Variants in NCOA3 observed in about 807,000 individuals in gnomAD.
NCOA3 encodes CBP-interacting protein.
A neutral mutation model predicts 158.8 loss-of-function variants in NCOA3; 51 were observed. The observed-to-expected ratio is 0.32, with a 90% CI of 0.26 to 0.41. The LOEUF is 0.41. Among genes scored for constraint, NCOA3 ranks in the 10% least tolerant of loss-of-function variants. The probability of loss-of-function intolerance (pLI) is 1.00; values close to 1 mark genes in which losing one functional copy is unlikely to be tolerated. For missense variants in NCOA3, 1,510 were observed against 1,746.6 expected, an observed-to-expected ratio of 0.86 and a Z score of 2.41; for synonymous variants, 537 against 592.4, an observed-to-expected ratio of 0.91 and a Z score of 1.36.
intron 8 of NCOA3, chr20:47,631,490 C>G (rs534037996): frequency 6.6e-6 from 1 of 152,176 alleles, no homozygotes; most frequent in East Asian, 1.9e-4. Context: ...TAAGGACCAT[C>G]TATTGTCATG....
intron 1 of NCOA3, among the ~76,000 whole-genome samples, chr20:47,547,443 C>T (rs938863887): frequency 2.6e-5 from 4 of 151,472 alleles, no homozygotes; most frequent in South Asian, 2.1e-4. Flanking sequence ...GACGGAGTCT[C>T]GCTCTGCCAC....
In NCOA3 at chr20:47,627,754, G is replaced by A. The variant is rs1355555345; in HGVS notation, c.721+5G>A. 2 of 1,612,590 alleles carry A rather than the reference G, an allele frequency of 1.2e-6. No homozygotes were observed. The highest frequency in any genetic ancestry group is 1.7e-5 in the Admixed American group (1 of 59,740). On this transcript the variant is annotated splice_donor_5th_base_variant and intron_variant, in intron 7 of 22. Coordinates refer to ENST00000371998, the MANE Select transcript of NCOA3 (RefSeq NM_181659.3). Reference sequence around the variant, plus strand: ...CTATGATGGAGGAAGGGGAAGGTAAGAGCTATTATATGTTTGTGATGTTCA... The same window carrying A: ...CTATGATGGAGGAAGGGGAAGGTAAAAGCTATTATATGTTTGTGATGTTCA...
rs1406587366 is a variant in NCOA3 at position 47,639,205 on chromosome 20, A to G, written c.2707+3A>G. ...GGAAAATTATGGCTCAAGTATGGGT[A>G]CGTTATTTCTAATTAGTATGTATGA... On this transcript the variant is annotated splice_donor_region_variant and intron_variant, in intron 14 of 22. Transcript: ENST00000371998. 8 of 1,604,642 alleles carry G rather than the reference A, an allele frequency of 5.0e-6. No individual in the cohort carries two copies. The highest frequency in any genetic ancestry group is 1.3e-5 in the African/African-American group (1 of 74,634).
At chr20:47,605,376 T>C (rs996817586) in intron 2 of NCOA3, among the ~76,000 whole-genome samples, 5 of 152,150 alleles carry the variant, frequency 3.3e-5, no homozygotes, top group Non-Finnish European at 7.4e-5. Context: ...ATGTTGGTGA[T>C]ATGCATTACT....
intron 1 of NCOA3, among the ~76,000 whole-genome samples, chr20:47,504,617 A>C (rs2083996810): frequency 6.6e-6 from 1 of 151,738 alleles, no homozygotes; most frequent in Non-Finnish European, 1.5e-5. Flanking sequence ...AGCCTGGCAA[A>C]GATGGTGAAA....
intron 1 of NCOA3, among the ~76,000 whole-genome samples, chr20:47,534,836 G>A (rs1025360679): frequency 6.6e-6 from 1 of 152,086 alleles, no homozygotes; most frequent in Admixed American, 6.6e-5. Flanking sequence ...GATCGGTTGA[G>A]CCTGGGAAAT....
At chr20:47,648,682 C>T (rs2086730763) in intron 18 of NCOA3, among the ~76,000 whole-genome samples, 1 of 152,070 alleles carries the variant, frequency 6.6e-6, no homozygotes, top group South Asian at 2.1e-4. Flanking sequence ...CCAGACTGAT[C>T]TCAGACTCTT....
chr20:47,590,733 G>A (rs891301869), intron 2 of NCOA3, among the ~76,000 whole-genome samples: 3 of 152,046 alleles, frequency 2.0e-5, no homozygotes, highest in Admixed American at 6.6e-5. Context: ...ATCGCTTGAC[G>A]CTGGGAGGCT....
chr20:47,526,005 G>A (rs918461119), intron 1 of NCOA3, among the ~76,000 whole-genome samples: 2 of 151,350 alleles, frequency 1.3e-5, no homozygotes, highest in African/African-American at 4.8e-5. Context: ...CTTCCCAGAC[G>A]GGGTGGCTGC....
At chr20:47,652,636 C>T (rs1253156952) in intron 21 of NCOA3, 56 bp downstream of exon 21, 1 of 1,517,034 alleles carries the variant, frequency 6.6e-7, no homozygotes, top group Non-Finnish European at 9.0e-7. Flanking sequence ...AGTCCAAGAA[C>T]TTAATGTATT....
intron 16 of NCOA3, 127 bp downstream of exon 16, chr20:47,640,178 TG>T: frequency 7.8e-7 from 1 of 1,280,650 alleles, no homozygotes. Flanking sequence ...GGTTGCCAGC[TG>T]GGCATTTCTC....
In NCOA3 at chr20:47,589,881, G is replaced by C. The variant is rs972807748; in HGVS notation, c.-20+6620G>C. The stretch of plus-strand genomic sequence containing the variant: ...AGCTAGTCCCTGTAAACCAAGAACA[G>C]GTACCAGGCCCATAAACATTGACTT... On this transcript the variant is annotated intron_variant, in intron 2 of 22. Coordinates refer to ENST00000371998, the MANE Select transcript of NCOA3 (RefSeq NM_181659.3). Among the ~76,000 whole-genome samples the C allele has an allele frequency of 8.1e-5, 12 of 147,512 alleles. No homozygotes were observed. The East Asian group carries it at 2.1e-3, about 26-fold the overall frequency.
Position 47,525,585 on chromosome 20 carries a change from T to C in NCOA3, c.-99+23566T>C, listed in dbSNP as rs868744112. Among the ~76,000 whole-genome samples the C allele has an allele frequency of 5.1e-3, 309 of 60,036 alleles. 7 individuals are homozygous for C. The highest frequency in any genetic ancestry group is 7.9e-3 in the South Asian group (14 of 1,782). The allele number at this position is 60,036 out of a possible 152,430, so 39.4% of individuals were successfully genotyped here. On this transcript the variant is annotated intron_variant, in intron 1 of 22. Transcript: ENST00000371998. ...GGGCTGACCCCCCCCACCTCCCTCC[T>C]GGACGGGGCGGCTGGCCGGGCGGGG...
At chr20:47,653,184 A>G (rs867387552) in intron 22 of NCOA3, 112 bp downstream of exon 22, 1 of 1,331,786 alleles carries the variant, frequency 7.5e-7, no homozygotes. Context: ...TGAATGTATA[A>G]CTTAAAATAT....
At chr20:47,637,093 A>C (rs1288393237) in intron 12 of NCOA3, among the ~76,000 whole-genome samples, 1 of 152,188 alleles carries the variant, frequency 6.6e-6, no homozygotes, top group Non-Finnish European at 1.5e-5. Context: ...CATAATTTTT[A>C]TTTTAAGGTA....
intron 1 of NCOA3, among the ~76,000 whole-genome samples, chr20:47,536,583 T>C (rs2084637400): frequency 6.6e-6 from 1 of 152,240 alleles, no homozygotes; most frequent in African/African-American, 2.4e-5. Context: ...GTCATGCCTT[T>C]GTCATTCTAA....
Position 47,636,077 on chromosome 20 carries a change from A to G in NCOA3, c.1691A>G (p.Asn564Ser), listed in dbSNP as rs764548730. 9.9e-6 allele frequency: 16 copies of G among 1,614,048 alleles called. No homozygotes were observed. The highest frequency in any genetic ancestry group is 1.3e-5 in the African/African-American group (1 of 74,922). Residue 564 changes from asparagine (N) to serine (S), a missense_variant, in exon 12 of 23, where the codon AAT becomes AGT. This residue lies in a region of NCOA3 where 1,017 missense variants were observed against 1,098.3 expected (regional missense o/e 0.93). Transcript: ENST00000371998. ...ATTACCCAACCAAGTAAAGTAAGCAATCAGGATTCCAAGAGTCCTCTGGGC... is the reference window on the plus strand; with the variant it reads ...ATTACCCAACCAAGTAAAGTAAGCAGTCAGGATTCCAAGAGTCCTCTGGGC... The part of the protein sequence containing the change: ...MNITQPSKVS[N>S]QDSKSPLGFY...
At chr20:47,544,050 C>T (rs544369528) in intron 1 of NCOA3, among the ~76,000 whole-genome samples, 11 of 152,204 alleles carry the variant, frequency 7.2e-5, no homozygotes, top group African/African-American at 1.9e-4. Flanking sequence ...TACTCCACCC[C>T]GATTCCCCCA....
At position 47,635,553 on chromosome 20, in the gene NCOA3, G is replaced by A. The variant is rs777015406; in HGVS notation, c.1344G>A (p.Met448Ile). 9 of 1,613,998 alleles carry A rather than the reference G, an allele frequency of 5.6e-6. No homozygotes were observed. Among genetic ancestry groups the A allele is most frequent in the African/African-American group, 5.3e-5 (4 of 74,890 alleles). ...NIASLTPGPG[M>I]QSPSSYQNNN... ...CTTCATTGACCCCTGGGCCAGGCATGCAATCACCATCTTCCTACCAGAACA... is the reference window on the plus strand; with the variant it reads ...CTTCATTGACCCCTGGGCCAGGCATACAATCACCATCTTCCTACCAGAACA... The change falls in exon 11 of 23, where the codon ATG (methionine) becomes ATA (isoleucine). Residue 448 changes from methionine to isoleucine, a missense_variant. Physicochemically the swap from Met to Ile is conservative, Grantham distance 10. Transcript: ENST00000371998.
Sources: allele counts gnomAD v4.1 joint callset (sites outside exome capture counted in the v4.1 genomes callset), GRCh38; gene constraint gnomAD v4.1.1; regional missense constraint gnomAD v4.1.1; transcripts MANE v1.5; gene names NCBI Gene and HGNC (gene_info 2026-07-23, HGNC 2026-07-21).